Variants in CRPPA observed in about 807,000 individuals in gnomAD.
CRPPA encodes the protein CDP-L-ribitol pyrophosphorylase A, also known as D-ribitol-5-phosphate cytidylyltransferase.
CRPPA carries 43 observed loss-of-function variants against 52.0 expected under a neutral mutation model. That is an observed-to-expected ratio of 0.83 (90% CI 0.65 to 1.07). The LOEUF is 1.07. CRPPA is among the 50% of genes least tolerant of loss of function. The pLI is 0.00. For synonymous variants in CRPPA, 250 were observed against 203.5 expected (o/e 1.23, Z -1.94); for missense variants, 629 against 551.7 (o/e 1.14, Z -1.40).
At chr7:16,241,946 CTTTTTTTTTT>C (rs71549979) in intron 8 of CRPPA, among the ~76,000 whole-genome samples, 1 of 55,378 alleles carries the variant, frequency 1.8e-5, no homozygotes, top group Admixed American at 2.5e-4. Flanking sequence ...AAAATCTATT[CTTTTTTTTTT>C]TTTTTTTTTT....
intron 8 of CRPPA, among the ~76,000 whole-genome samples, chr7:16,235,092 A>T (rs948158813): frequency 1.3e-5 from 2 of 152,114 alleles, no homozygotes; most frequent in African/African-American, 4.8e-5. Context: ...GATGAGAAGC[A>T]TCTGAAAGTT....
intron 5 of CRPPA, among the ~76,000 whole-genome samples, chr7:16,295,984 A>G (rs547695717): frequency 6.6e-6 from 1 of 152,272 alleles, no homozygotes; most frequent in African/African-American, 2.4e-5. Flanking sequence ...TTAAAGAACA[A>G]CAACCAAATC....
chr7:16,353,779 G>A (rs1320573904), intron 3 of CRPPA, among the ~76,000 whole-genome samples: 2 of 151,798 alleles, frequency 1.3e-5, no homozygotes, highest in African/African-American at 2.4e-5. Context: ...GAACCCGGGA[G>A]GCACAGGTTG....
chr7:16,157,156 G>T (rs1347573492), intron 9 of CRPPA, among the ~76,000 whole-genome samples: 1 of 149,944 alleles, frequency 6.7e-6, no homozygotes, highest in Non-Finnish European at 1.5e-5. Context: ...GAGGCATTGG[G>T]AAATCTTTCG....
At chr7:16,250,347 A>G (rs1157568281) in intron 8 of CRPPA, among the ~76,000 whole-genome samples, 1 of 152,242 alleles carries the variant, frequency 6.6e-6, no homozygotes, top group Non-Finnish European at 1.5e-5. Flanking sequence ...AGGCAGGCCA[A>G]CATTCAAATT....
intron 5 of CRPPA, among the ~76,000 whole-genome samples, chr7:16,283,924 A>G (rs1784370816): frequency 6.6e-6 from 1 of 152,014 alleles, no homozygotes; most frequent in Non-Finnish European, 1.5e-5. Flanking sequence ...TGTTAAATTG[A>G]GGGAAATACA....
chr7:16,223,395 C>A (rs938428143), intron 8 of CRPPA, among the ~76,000 whole-genome samples: 7 of 152,250 alleles, frequency 4.6e-5, no homozygotes, highest in African/African-American at 1.7e-4. Context: ...TTTACAAATT[C>A]TTTTCATGAA....
rs915200423 is a variant in CRPPA at position 16,133,903 on chromosome 7, T to C, written c.1252-42104A>G. Reference sequence around the variant, plus strand: ...AGTATTGTAAATGTCCTTATGATTTTCTTAACATCTTCTTAACATCATCCT... The same window carrying C: ...AGTATTGTAAATGTCCTTATGATTTCCTTAACATCTTCTTAACATCATCCT... On this transcript the variant is annotated intron_variant, in intron 9 of 9. Transcript: ENST00000407010. Among the ~76,000 whole-genome samples the C allele has an allele frequency of 6.4e-5, 8 of 124,810 alleles. 1 individual carries two copies. Among genetic ancestry groups the C allele is most frequent in the African/African-American group, 2.1e-4 (8 of 38,516 alleles). The allele number at this position is 124,810 out of a possible 152,430, so 81.9% of individuals were successfully genotyped here. A position where few individuals can be genotyped will look rare whatever the true frequency, so the allele number is the denominator to read the frequency against.
chr7:16,238,053 C>G (rs1009200395), intron 8 of CRPPA, among the ~76,000 whole-genome samples: 1 of 152,142 alleles, frequency 6.6e-6, no homozygotes, highest in African/African-American at 2.4e-5. Flanking sequence ...AATTTGTCAA[C>G]TCCCAGTCAC....
At chr7:16,281,017 T>C (rs1235018192) in intron 5 of CRPPA, among the ~76,000 whole-genome samples, 1 of 152,118 alleles carries the variant, frequency 6.6e-6, no homozygotes, top group Non-Finnish European at 1.5e-5. Flanking sequence ...GAGACTCTGT[T>C]TCAAGGGAAA....
chr7:16,323,072 T>C (rs1017441684), intron 3 of CRPPA, among the ~76,000 whole-genome samples: 4 of 152,104 alleles, frequency 2.6e-5, no homozygotes, highest in African/African-American at 9.7e-5. Context: ...CCGGCCTTGA[T>C]ACATGGAGAT....
chr7:16,379,046 A>G (rs1285955977), intron 2 of CRPPA, among the ~76,000 whole-genome samples: 3 of 152,042 alleles, frequency 2.0e-5, no homozygotes, highest in Non-Finnish European at 4.4e-5. Flanking sequence ...ATTTTCTCAC[A>G]TTTTGTAGGT....
At chr7:16,353,178 A>T (rs1178985035) in intron 3 of CRPPA, among the ~76,000 whole-genome samples, 1 of 151,612 alleles carries the variant, frequency 6.6e-6, no homozygotes, top group Non-Finnish European at 1.5e-5. Flanking sequence ...CAATATAGGG[A>T]GACCCTGTTT....
At chr7:16,221,364 C>G (rs1465643285) in intron 8 of CRPPA, among the ~76,000 whole-genome samples, 1 of 152,172 alleles carries the variant, frequency 6.6e-6, no homozygotes, top group Non-Finnish European at 1.5e-5. Flanking sequence ...CTAGGCATCA[C>G]CATTCAGGAC....
rs1784804037 is a variant in CRPPA, at chr7:16,302,249, T to C, written c.790-783A>G. Among the ~76,000 whole-genome samples the C allele has an allele frequency of 2.9e-5, 4 of 135,712 alleles. No individual in the cohort carries two copies. In the South Asian group the frequency reaches 9.0e-4, roughly 31 times the overall value. 89.0% of individuals were successfully genotyped at this position (135,712 alleles called of 152,430 possible). A position where few individuals can be genotyped will look rare whatever the true frequency, so the allele number is the denominator to read the frequency against. ...AGGCGGAGCTTGCAGTGTGCCGAGA[T>C]TGCGCCACTGCACTCCAGCCTGGGC... On this transcript the variant is annotated intron_variant, in intron 4 of 9. Coordinates refer to ENST00000407010, the MANE Select transcript of CRPPA (RefSeq NM_001101426.4).
At chr7:16,354,921 A>T (rs114314951) in intron 3 of CRPPA, among the ~76,000 whole-genome samples, 159 of 152,322 alleles carry the variant, frequency 1.0e-3, no homozygotes, top group African/African-American at 3.7e-3. Context: ...AGAAAGATGA[A>T]AACCACACAA....
intron 9 of CRPPA, among the ~76,000 whole-genome samples, chr7:16,195,821 G>T (rs1260921762): frequency 6.6e-6 from 1 of 152,048 alleles, no homozygotes; most frequent in East Asian, 1.9e-4. Flanking sequence ...TCATCCAGAA[G>T]AACTGATAAT....
chr7:16,380,716 T>C (rs10280186), intron 2 of CRPPA, among the ~76,000 whole-genome samples: 3,416 of 152,312 alleles, frequency 0.022, 115 homozygotes, highest in African/African-American at 0.077. Flanking sequence ...GGTTTAGACT[T>C]GGGAGGGTGT....
At chr7:16,405,202 C>A (rs903091542) in intron 2 of CRPPA, among the ~76,000 whole-genome samples, 1 of 151,902 alleles carries the variant, frequency 6.6e-6, no homozygotes, top group African/African-American at 2.4e-5. Flanking sequence ...TGTTATAATT[C>A]ATCTTAAAAT....
Sources: allele counts gnomAD v4.1 joint callset (sites outside exome capture counted in the v4.1 genomes callset), GRCh38; gene constraint gnomAD v4.1.1; transcripts MANE v1.5; gene names NCBI Gene and HGNC (gene_info 2026-07-23, HGNC 2026-07-21).